The following WIPF3 variants were observed in gnomAD, a reference collection of about 807,000 sequenced individuals.
WIPF3 encodes WAS/WASL interacting protein family member 3.
Under a neutral mutation model 38.9 loss-of-function variants are expected in WIPF3, and 33 were observed. The observed-to-expected ratio is 0.85, with a 90% CI of 0.64 to 1.14. The LOEUF is 1.14. Among genes scored for constraint, WIPF3 ranks in the 50% most tolerant of loss-of-function variants. The pLI, the probability that WIPF3 is intolerant of heterozygous loss-of-function variation, is 0.00. For synonymous variants in WIPF3, 324 were observed against 269.3 expected (o/e 1.20, Z -1.99); for missense variants, 711 against 652.5 (o/e 1.09, Z -0.98).
Position 29,817,573 on chromosome 7 carries a change from A to G in WIPF3, c.-58+10895A>G, listed in dbSNP as rs184715930. ...TAATTTTTTTCCAGATTACTACCCA[A>G]TTTACTCAATACTTTTTGTTGAATA... is the stretch of plus-strand genomic sequence containing the variant. On this transcript the variant is annotated intron_variant, in intron 1 of 8. Transcript: ENST00000242140. Among the ~76,000 whole-genome samples the G allele has an allele frequency of 2.6e-5, 4 of 152,006 alleles. No individual in the cohort carries two copies. In the East Asian group the frequency reaches 7.7e-4, roughly 29 times the overall value.
In WIPF3 at chr7:29,868,561, A is replaced by ATATATGTACATATATGTG. The variant is rs1191425645; in HGVS notation, c.91-7267_91-7250dup. Among the ~76,000 whole-genome samples, 117 of 151,650 alleles carry ATATATGTACATATATGTG rather than the reference A, an allele frequency of 7.7e-4. 4 individuals are homozygous for ATATATGTACATATATGTG. The highest frequency in any genetic ancestry group is 7.7e-3 in the Admixed American group (117 of 15,182). ...ACACACACATACACAAATATATTAA[A>ATATATGTACATATATGTG]TATATGTACATATATGTGTGTATAT... On this transcript the variant is annotated intron_variant, in intron 2 of 8. Transcript: ENST00000242140.
chr7:29,834,150 A>G (rs1661025641), intron 1 of WIPF3, among the ~76,000 whole-genome samples: 1 of 152,230 alleles, frequency 6.6e-6, no homozygotes, highest in Non-Finnish European at 1.5e-5. Context: ...CAGGAGAGAA[A>G]GAGGCAGGAA....
chr7:29,845,971 A>T lies in WIPF3; in HGVS notation c.90+11157A>T, dbSNP rs185397052. On this transcript the variant is annotated intron_variant, in intron 2 of 8. Transcript: ENST00000242140. ...AGAACAACATTCTGCGTTGTGTTGTATGAGAACACCATCAACATTGGACCT... is the reference window on the plus strand; with the variant it reads ...AGAACAACATTCTGCGTTGTGTTGTTTGAGAACACCATCAACATTGGACCT... Among the ~76,000 whole-genome samples the T allele has an allele frequency of 3.5e-3, 539 of 152,378 alleles. 1 individual carries two copies. The highest frequency in any genetic ancestry group is 0.012 in the African/African-American group (496 of 41,596).
chr7:29,843,231 G>A (rs1784943481), intron 2 of WIPF3, among the ~76,000 whole-genome samples: 1 of 152,194 alleles, frequency 6.6e-6, no homozygotes, highest in African/African-American at 2.4e-5. Context: ...GGCAGGACCT[G>A]CCACTCATAC....
intron 2 of WIPF3, among the ~76,000 whole-genome samples, chr7:29,860,375 G>A (rs1214832372): frequency 6.6e-6 from 1 of 152,062 alleles, no homozygotes; most frequent in Admixed American, 6.5e-5. Context: ...CGTTCTTGCT[G>A]TATTAGTTCC....
chr7:29,889,167 TG>T, intron 6 of WIPF3, 138 bp from the exon 7 acceptor site: 1 of 672,792 alleles, frequency 1.5e-6, no homozygotes, highest in Non-Finnish European at 2.7e-6. Context: ...AGAATGGCCC[TG>T]TTGTTAAAAT....
At position 29,884,351 on chromosome 7, in the gene WIPF3, C is replaced by T. The variant is rs1225992461; in HGVS notation, c.857C>T (p.Ala286Val). 1 of 1,472,744 alleles carries T rather than the reference C, an allele frequency of 6.8e-7. No homozygotes were observed. Among genetic ancestry groups the T allele is most frequent in the Non-Finnish European group, 9.0e-7 (1 of 1,105,598 alleles). 91.2% of individuals were successfully genotyped at this position (1,472,744 alleles called of 1,614,324 possible). A position where few individuals can be genotyped will look rare whatever the true frequency, so the allele number is the denominator to read the frequency against. ...KAEPASPAQD[A>V]QEPPAPPPPL... ...GAGCCCGCCAGCCCTGCGCAAGATGCGCAGGAGCCTCCCGCCCCGCCGCCC... is the reference window on the plus strand; with the variant it reads ...GAGCCCGCCAGCCCTGCGCAAGATGTGCAGGAGCCTCCCGCCCCGCCGCCC... The change falls in exon 5 of 9, where the codon GCG becomes GTG. Residue 286 changes from alanine (A) to valine (V), a missense_variant. By Grantham distance (64) the Ala-to-Val change is moderately conservative (BLOSUM62 0). Coordinates refer to ENST00000242140, the MANE Select transcript of WIPF3 (RefSeq NM_001080529.3).
chr7:29,885,009 G>T (rs1263244132), intron 5 of WIPF3, among the ~76,000 whole-genome samples: 1 of 152,198 alleles, frequency 6.6e-6, no homozygotes, highest in Non-Finnish European at 1.5e-5. Flanking sequence ...GAGGGGGCGT[G>T]AGTGTGGCTT....
At chr7:29,901,842 AAAAAAAAG>A (rs1583628283) in intron 7 of WIPF3, among the ~76,000 whole-genome samples, 6 of 145,560 alleles carry the variant, frequency 4.1e-5, no homozygotes, top group South Asian at 2.2e-4. Flanking sequence ...AAAAAAAAAA[AAAAAAAAG>A]AAAGAAAGAA....
chr7:29,860,927 G>A (rs1785264195), intron 2 of WIPF3, among the ~76,000 whole-genome samples: 1 of 152,078 alleles, frequency 6.6e-6, no homozygotes. Flanking sequence ...GCACGGTGGG[G>A]AGCGGTGGGG....
intron 1 of WIPF3, among the ~76,000 whole-genome samples, chr7:29,828,243 ATTAC>A (rs1280414923): frequency 1.3e-5 from 2 of 152,244 alleles, no homozygotes; most frequent in East Asian, 1.9e-4. Flanking sequence ...AGTGTGTAAA[ATTAC>A]TTACATGAGT....
At chr7:29,880,346 A>C (rs1178900195) in intron 4 of WIPF3, among the ~76,000 whole-genome samples, 1 of 152,166 alleles carries the variant, frequency 6.6e-6, no homozygotes, top group Non-Finnish European at 1.5e-5. Context: ...CTCACTCACC[A>C]ATAAAAGTCC....
chr7:29,904,167 G>A, intron 7 of WIPF3, 119 bp from the exon 8 acceptor site: 1 of 880,970 alleles, frequency 1.1e-6, no homozygotes, highest in Non-Finnish European at 1.8e-6. Context: ...AGACAGTCTA[G>A]GGCCAGGATC....
chr7:29,872,776 G>A (rs975112090), intron 2 of WIPF3, among the ~76,000 whole-genome samples: 2 of 125,886 alleles, frequency 1.6e-5, no homozygotes, highest in Non-Finnish European at 3.2e-5. Context: ...TCCAACCTGG[G>A]CGACAGAGTG....
intron 4 of WIPF3, among the ~76,000 whole-genome samples, chr7:29,882,348 C>T (rs1562784995): frequency 6.6e-6 from 1 of 152,200 alleles, no homozygotes; most frequent in African/African-American, 2.4e-5. Flanking sequence ...AGGTTCTCCT[C>T]GTCATCTTTT....
chr7:29,842,373 T>C (rs1323339867), intron 2 of WIPF3, among the ~76,000 whole-genome samples: 2 of 152,202 alleles, frequency 1.3e-5, no homozygotes, highest in Non-Finnish European at 2.9e-5. Context: ...AGGAAGACAC[T>C]GAGGTGCCGT....
In WIPF3 at chr7:29,916,547, T is replaced by C. The variant is rs1786619114; in HGVS notation, c.*2031T>C. On this transcript the variant is annotated 3_prime_UTR_variant, in exon 9 of 9. Transcript: ENST00000242140. ...CTGGCCAACATGGTGAAACCCTGTC[T>C]ACTCAAATACAAAAAATTAGCCAGG... 1 of 152,158 alleles carries C rather than the reference T, an allele frequency of 6.6e-6. No individual in the cohort carries two copies. Among genetic ancestry groups the C allele is most frequent in the Non-Finnish European group, 1.5e-5 (1 of 68,056 alleles). The allele number at this position is 152,158 out of a possible 1,614,324, so 9.4% of individuals were successfully genotyped here. A position where few individuals can be genotyped will look rare whatever the true frequency, so the allele number is the denominator to read the frequency against.
chr7:29,840,423 C>T (rs1221666755), intron 2 of WIPF3, among the ~76,000 whole-genome samples: 4 of 152,152 alleles, frequency 2.6e-5, no homozygotes, highest in Non-Finnish European at 4.4e-5. Context: ...TCTGCAAACC[C>T]CCCACTTCAG....
chr7:29,906,532 C>T (rs963486518), intron 8 of WIPF3, among the ~76,000 whole-genome samples: 4 of 151,938 alleles, frequency 2.6e-5, no homozygotes, highest in Admixed American at 2.6e-4. Context: ...GCCTAAGAGA[C>T]CTGTGGGAGA....
Sources: gnomAD v4.1 joint callset for allele counts (sites outside exome capture counted in the v4.1 genomes callset) on GRCh38, gnomAD v4.1.1 for gene constraint, MANE v1.5 for transcripts, NCBI Gene and HGNC (gene_info 2026-07-23, HGNC 2026-07-21) for gene names.